The following MED13 variants were observed in gnomAD, a reference collection of about 807,000 sequenced individuals.
MED13 encodes the protein mediator complex subunit 13.
Under a neutral mutation model 225.2 loss-of-function variants are expected in MED13, and 23 were observed. The observed-to-expected ratio is 0.10, with a 90% CI of 0.07 to 0.14. MED13 has a LOEUF of 0.14. MED13 is among the 10% of genes least tolerant of loss of function. MED13 has a pLI of 1.00. For synonymous variants in MED13, 942 were observed against 889.2 expected, an observed-to-expected ratio of 1.06 and a Z score of -1.06; for missense variants, 2,197 against 2,594.5, an observed-to-expected ratio of 0.85 and a Z score of 3.33.
At chr17:62,041,674 T>A (rs1339288912) in intron 3 of MED13, among the ~76,000 whole-genome samples, 2 of 152,054 alleles carry the variant, frequency 1.3e-5, no homozygotes, top group Non-Finnish European at 2.9e-5. Context: ...CCTCCTGAGC[T>A]CAAGCGATTT....
In MED13 at chr17:61,948,090, T is replaced by C. The variant is rs1156499843; in HGVS notation, c.6292-1073A>G. On this transcript the variant is annotated intron_variant, in intron 28 of 29. Transcript: ENST00000397786. The stretch of plus-strand genomic sequence containing the variant: ...ATCACTACAAATTTTTAAAATGTAA[T>C]TAGTACCAGTACTCTATTCCTATGA... Among the ~76,000 whole-genome samples the C allele has an allele frequency of 2.0e-5, 3 of 152,190 alleles. No individual in the cohort carries two copies. The South Asian group carries it at 6.2e-4, about 31-fold the overall frequency.
chr17:62,017,303 G>A (rs147781128), intron 8 of MED13, among the ~76,000 whole-genome samples: 140 of 148,154 alleles, frequency 9.4e-4, no homozygotes, highest in East Asian at 3.9e-3. Flanking sequence ...TAAAAAGAGC[G>A]TAGACTCTAA....
rs966271890 is a variant in MED13 at position 62,065,238 on chromosome 17, A to T, written c.-33T>A. On this transcript the variant is annotated 5_prime_UTR_variant, in exon 1 of 30. In the 5' UTR this introduces an upstream ATG that the reference lacks. Transcript: ENST00000397786. ...CACAGCAGCCGCCGCCGGCGCCACA[A>T]CCCACCATCCGCCATTACCGCCGCC... 1 of 1,285,788 alleles carries T rather than the reference A, an allele frequency of 7.8e-7. No individual in the cohort carries two copies. The highest frequency in any genetic ancestry group is 1.0e-6 in the Non-Finnish European group (1 of 983,084). 79.6% of individuals were successfully genotyped at this position (1,285,788 alleles called of 1,614,324 possible).
chr17:62,027,449 G>A (rs1472265212), intron 8 of MED13, among the ~76,000 whole-genome samples: 1 of 152,102 alleles, frequency 6.6e-6, no homozygotes, highest in African/African-American at 2.4e-5. Flanking sequence ...ATTAAAGACT[G>A]AAATGTAAAA....
chr17:62,036,935 A>T (rs2080808744), intron 3 of MED13: 1 of 152,152 alleles, frequency 6.6e-6, no homozygotes, highest in Non-Finnish European at 1.5e-5. Context: ...TGCATATGTG[A>T]CTAGTCTAAA....
chr17:61,956,284 GT>G, intron 24 of MED13, 54 bp downstream of exon 24: 2 of 1,531,438 alleles, frequency 1.3e-6, no homozygotes, highest in Admixed American at 1.9e-5. Flanking sequence ...GGTCAGAACT[GT>G]GTGTGAATTT....
chr17:61,960,873 G>A lies in MED13; in HGVS notation c.5474C>T (p.Pro1825Leu), dbSNP rs775943504. 4 of 1,593,358 alleles carry A rather than the reference G, an allele frequency of 2.5e-6. No homozygotes were observed. The Admixed American group carries it at 5.0e-5, about 20-fold the overall frequency. ...LETCIINIDV[P>L]NRARRKKSSA... ...TTTAGGGAAATACAAATACCTATTT[G>A]GAACATCGATGTTAATGATACAAGT... The change falls in exon 23 of 30, where the codon CCA becomes CTA. Residue 1825 changes from proline (P) to leucine (L), a missense_variant. Coordinates refer to ENST00000397786, the MANE Select transcript of MED13 (RefSeq NM_005121.3).
At position 62,063,055 on chromosome 17, in the gene MED13, A is replaced by ATTTC. The variant is rs775440142; in HGVS notation, c.301+11_301+12insGAAA. ...GCTATATCATTAGTTAGAAATGGAA[A>ATTTC]GTTTCTTTCACCTGATAAGTCATGG... On this transcript the variant is annotated intron_variant, in intron 2 of 29. Coordinates refer to ENST00000397786, the MANE Select transcript of MED13 (RefSeq NM_005121.3). 1 of 1,590,622 alleles carries ATTTC rather than the reference A, an allele frequency of 6.3e-7. No individual in the cohort carries two copies. The highest frequency in any genetic ancestry group is 1.1e-5 in the South Asian group (1 of 90,612).
chr17:62,026,954 A>G (rs2080708326), intron 8 of MED13, among the ~76,000 whole-genome samples: 1 of 152,232 alleles, frequency 6.6e-6, no homozygotes, highest in Non-Finnish European at 1.5e-5. Context: ...AAAAAAACAG[A>G]AAAACATTCC....
chr17:62,024,720 G>C (rs1223929814), intron 8 of MED13, among the ~76,000 whole-genome samples: 1 of 152,122 alleles, frequency 6.6e-6, no homozygotes, highest in African/African-American at 2.4e-5. Context: ...AGTGTCTGTT[G>C]TTCCCTTCTT....
At chr17:61,980,835 C>G (rs1051797464) in intron 16 of MED13, among the ~76,000 whole-genome samples, 1 of 151,910 alleles carries the variant, frequency 6.6e-6, no homozygotes, top group Admixed American at 6.6e-5. Flanking sequence ...CTCCGCCCCC[C>G]AGGTTCAAGC....
intron 3 of MED13, among the ~76,000 whole-genome samples, chr17:62,050,640 A>G (rs1398128112): frequency 1.3e-5 from 2 of 152,228 alleles, no homozygotes; most frequent in African/African-American, 4.8e-5. Context: ...AAATCTATTC[A>G]TTGGGGCTCA....
At chr17:62,060,292 C>CA (rs961835997) in intron 2 of MED13, among the ~76,000 whole-genome samples, 112 of 148,622 alleles carry the variant, frequency 7.5e-4, no homozygotes, top group African/African-American at 2.0e-3. Flanking sequence ...GACTCCATCT[C>CA]AAAAAAAAAG....
chr17:61,962,076 A>G lies in MED13; in HGVS notation c.5065-297T>C, dbSNP rs113287691. ...GCCGAGGTGGGCAGATCACCAGGTCAAGAGATAGAGACCATCCTGGCCAAC... is the reference window on the plus strand; with the variant it reads ...GCCGAGGTGGGCAGATCACCAGGTCGAGAGATAGAGACCATCCTGGCCAAC... On this transcript the variant is annotated intron_variant, in intron 21 of 29. Transcript: ENST00000397786. Among the ~76,000 whole-genome samples, 444 of 152,232 alleles carry G rather than the reference A, an allele frequency of 2.9e-3. 3 individuals carry two copies. The highest frequency in any genetic ancestry group is 0.01 in the African/African-American group (418 of 41,534).
At chr17:61,993,050 C>T (rs530098788) in intron 10 of MED13, among the ~76,000 whole-genome samples, 2 of 151,816 alleles carry the variant, frequency 1.3e-5, no homozygotes, top group Admixed American at 1.3e-4. Flanking sequence ...TAAGTATGAG[C>T]CACCACGCCT....
intron 8 of MED13, among the ~76,000 whole-genome samples, chr17:62,011,784 T>C (rs1375792617): frequency 2.6e-5 from 4 of 152,146 alleles, no homozygotes; most frequent in African/African-American, 4.8e-5. Flanking sequence ...CTTCTCCAAA[T>C]ACTTAGCACT....
At chr17:61,971,458 C>G (rs1179186053) in intron 17 of MED13, among the ~76,000 whole-genome samples, 3 of 151,644 alleles carry the variant, frequency 2.0e-5, no homozygotes, top group African/African-American at 7.3e-5. Context: ...ACCACCATGC[C>G]CGGCTTATTT....
intron 2 of MED13, among the ~76,000 whole-genome samples, chr17:62,062,775 T>C (rs2081051501): frequency 6.6e-6 from 1 of 152,122 alleles, no homozygotes; most frequent in South Asian, 2.1e-4. Flanking sequence ...CCTGATTCCA[T>C]TTTTTTAGAT....
intron 3 of MED13, among the ~76,000 whole-genome samples, chr17:62,036,474 T>A (rs1006180204): frequency 7.2e-5 from 11 of 152,156 alleles, no homozygotes; most frequent in Admixed American, 5.2e-4. Flanking sequence ...GATAAGAGTG[T>A]ACACTAAGAA....
Sources: allele counts gnomAD v4.1 joint callset (sites outside exome capture counted in the v4.1 genomes callset), GRCh38; gene constraint gnomAD v4.1.1; transcripts MANE v1.5; gene names NCBI Gene and HGNC (gene_info 2026-07-23, HGNC 2026-07-21).